The following DENND5B variants were observed in gnomAD, a reference collection of about 807,000 sequenced individuals.
DENND5B encodes DENN domain containing 5B, also known as DENN domain-containing protein 5B.
DENND5B carries 34 observed loss-of-function variants against 140.6 expected under a neutral mutation model. The ratio of observed to expected loss-of-function variants is 0.24; its 90% CI spans 0.18 to 0.32. The LOEUF is 0.32. DENND5B is among the 10% of genes least tolerant of loss of function. DENND5B has a pLI of 1.00. For missense variants in DENND5B, 1,142 were observed against 1,560.2 expected (o/e 0.73, Z 4.52); for synonymous variants, 551 against 562.1 (o/e 0.98, Z 0.28).
chr12:31,429,431 C>T (rs192464029), intron 8 of DENND5B, among the ~76,000 whole-genome samples: 6 of 152,216 alleles, frequency 3.9e-5, no homozygotes, highest in African/African-American at 4.8e-5. Flanking sequence ...TTTCTTGAGA[C>T]GAAGTCTCGT....
intron 2 of DENND5B, among the ~76,000 whole-genome samples, chr12:31,486,418 T>C (rs1169850460): frequency 1.3e-5 from 2 of 152,220 alleles, no homozygotes; most frequent in Non-Finnish European, 2.9e-5. Flanking sequence ...TCCTTGTAAG[T>C]TACTCAGTCT....
At chr12:31,448,326 G>A (rs1294598461) in intron 5 of DENND5B, among the ~76,000 whole-genome samples, 3 of 151,620 alleles carry the variant, frequency 2.0e-5, no homozygotes, top group Non-Finnish European at 4.4e-5. Flanking sequence ...TAGTAGAGAC[G>A]GGGTTTCACC....
At chr12:31,519,903 T>C (rs1444548751) in intron 1 of DENND5B, among the ~76,000 whole-genome samples, 1 of 152,272 alleles carries the variant, frequency 6.6e-6, no homozygotes, top group East Asian at 1.9e-4. Context: ...TTTAGAACAT[T>C]TTCATCACCC....
At chr12:31,493,251 T>C (rs560938095) in intron 2 of DENND5B, among the ~76,000 whole-genome samples, 2 of 152,316 alleles carry the variant, frequency 1.3e-5, no homozygotes, top group African/African-American at 4.8e-5. Context: ...TACTTAACCT[T>C]TGAAAATATA....
At chr12:31,529,912 CTTTTT>C (rs1447711459) in intron 1 of DENND5B, among the ~76,000 whole-genome samples, 1 of 152,076 alleles carries the variant, frequency 6.6e-6, no homozygotes, top group African/African-American at 2.4e-5. Context: ...CACAACTGCA[CTTTTT>C]TATTTTATTA....
intron 1 of DENND5B, among the ~76,000 whole-genome samples, chr12:31,554,145 T>A (rs1189317282): frequency 6.6e-6 from 1 of 151,960 alleles, no homozygotes; most frequent in Non-Finnish European, 1.5e-5. Context: ...GTTGATGCAG[T>A]TTCTTCCTAG....
intron 3 of DENND5B, among the ~76,000 whole-genome samples, 188 bp from the exon 4 acceptor site, chr12:31,460,569 A>G (rs1944968698): frequency 6.6e-6 from 1 of 151,972 alleles, no homozygotes; most frequent in Non-Finnish European, 1.5e-5. Flanking sequence ...TCATTTGAAT[A>G]GTTTTAAGGG....
intron 3 of DENND5B, 49 bp downstream of exon 3, chr12:31,479,540 G>A (rs1211387548): frequency 7.7e-6 from 11 of 1,428,502 alleles, no homozygotes; most frequent in South Asian, 1.6e-5. Flanking sequence ...CAGTAGTTGG[G>A]AGCAAAAGTA....
chr12:31,403,449 C>T (rs1433506750), intron 14 of DENND5B, among the ~76,000 whole-genome samples: 2 of 151,544 alleles, frequency 1.3e-5, no homozygotes, highest in Admixed American at 6.6e-5. Context: ...AAAAATTAGC[C>T]GGGTGTGGTG....
intron 7 of DENND5B, among the ~76,000 whole-genome samples, chr12:31,433,602 G>C (rs1035428597): frequency 2.6e-5 from 4 of 152,072 alleles, no homozygotes; most frequent in Admixed American, 6.6e-5. Flanking sequence ...GTAATGCCTT[G>C]ACTTGCTCAA....
chr12:31,555,046 C>G (rs1478477134), intron 1 of DENND5B, among the ~76,000 whole-genome samples: 1 of 152,208 alleles, frequency 6.6e-6, no homozygotes, highest in Admixed American at 6.5e-5. Context: ...CTGAAGCCTT[C>G]TTCTCTCAAC....
intron 8 of DENND5B, among the ~76,000 whole-genome samples, chr12:31,429,477 T>C (rs1943413195): frequency 6.6e-6 from 1 of 152,098 alleles, no homozygotes; most frequent in Non-Finnish European, 1.5e-5. Context: ...GGCTCGGTCT[T>C]GGCTCACCAC....
chr12:31,463,973 G>A (rs3844573), intron 3 of DENND5B, among the ~76,000 whole-genome samples: 85,212 of 151,970 alleles, frequency 0.56, 24,416 homozygotes, highest in East Asian at 0.82. Flanking sequence ...CAGCCCACAC[G>A]CTTTTTAATA....
At chr12:31,546,880 T>C (rs975357163) in intron 1 of DENND5B, among the ~76,000 whole-genome samples, 38 of 152,224 alleles carry the variant, frequency 2.5e-4, no homozygotes, top group African/African-American at 8.7e-4. Context: ...AAAATTTATT[T>C]TGAGTTTACA....
At chr12:31,453,509 T>G (rs1944631652) in intron 4 of DENND5B, among the ~76,000 whole-genome samples, 1 of 152,190 alleles carries the variant, frequency 6.6e-6, no homozygotes, top group Non-Finnish European at 1.5e-5. Flanking sequence ...ACAAGGTTGT[T>G]AGTTAAAAAG....
intron 1 of DENND5B, among the ~76,000 whole-genome samples, chr12:31,559,441 A>G (rs938834154): frequency 6.6e-6 from 1 of 150,734 alleles, no homozygotes; most frequent in African/African-American, 2.4e-5. Context: ...TTAAGCATGT[A>G]AAGTAGCTGA....
At chr12:31,564,559 T>C (rs1447550765) in intron 1 of DENND5B, among the ~76,000 whole-genome samples, 1 of 133,370 alleles carries the variant, frequency 7.5e-6, no homozygotes, top group Non-Finnish European at 1.6e-5. Context: ...TCTCTTTTCA[T>C]TCTATTATTA....
intron 17 of DENND5B, among the ~76,000 whole-genome samples, 157 bp downstream of exon 17, chr12:31,398,018 T>C (rs1005586391): frequency 6.6e-6 from 1 of 152,028 alleles, no homozygotes; most frequent in Non-Finnish European, 1.5e-5. Context: ...GATTTTAACA[T>C]CTAAACTCTT....
chr12:31,416,703 A>G (rs2137611216), intron 11 of DENND5B, among the ~76,000 whole-genome samples: 1 of 152,016 alleles, frequency 6.6e-6, no homozygotes, highest in South Asian at 2.1e-4. Context: ...TGAGTGTTTG[A>G]AAAAAAATCT....
Sources: gnomAD v4.1 joint callset for allele counts (sites outside exome capture counted in the v4.1 genomes callset) on GRCh38, gnomAD v4.1.1 for gene constraint, MANE v1.5 for transcripts, NCBI Gene and HGNC (gene_info 2026-07-23, HGNC 2026-07-21) for gene names.